MTR: variants seen among roughly 807,000 people sequenced by gnomAD.
The protein encoded by MTR is methionine synthase.
MTR carries 84 observed loss-of-function variants against 154.8 expected under a neutral mutation model. That is an observed-to-expected ratio of 0.54 (90% CI 0.45 to 0.65). The LOEUF (loss-of-function observed/expected upper bound fraction) is 0.65. Ranked by LOEUF, MTR falls within the 30% of genes least tolerant of loss-of-function variation. MTR has a pLI of 0.00. For synonymous variants in MTR, 554 were observed against 553.9 expected, an observed-to-expected ratio of 1.00 and a Z score of 0.00; for missense variants, 1,275 against 1,570.2, an observed-to-expected ratio of 0.81 and a Z score of 3.18.
At chr1:236,865,801 T>C (rs1025266537) in intron 22 of MTR, among the ~76,000 whole-genome samples, 1 of 152,154 alleles carries the variant, frequency 6.6e-6, no homozygotes, top group African/African-American at 2.4e-5. Context: ...CTTTGTCACC[T>C]TTTTGTTGTT....
chr1:236,830,605 C>A (rs1662555531), intron 12 of MTR, among the ~76,000 whole-genome samples: 1 of 152,194 alleles, frequency 6.6e-6, no homozygotes, highest in Non-Finnish European at 1.5e-5. Context: ...TCAAGTACTT[C>A]ACATTCATAA....
intron 10 of MTR, among the ~76,000 whole-genome samples, 169 bp from the exon 11 acceptor site, chr1:236,826,660 T>C (rs1662304115): frequency 6.6e-6 from 1 of 152,240 alleles, no homozygotes; most frequent in Non-Finnish European, 1.5e-5. Context: ...GCTTTTATCC[T>C]ATGTCTAGGG....
chr1:236,816,311 C>T (rs2103061332), intron 7 of MTR, 138 bp from the exon 8 acceptor site: 2 of 750,100 alleles, frequency 2.7e-6, no homozygotes, highest in Non-Finnish European at 4.8e-6. Context: ...TAGAAAGTGC[C>T]CCCTTTGAAT....
At chr1:236,848,447 C>T (rs1663713744) in intron 15 of MTR, among the ~76,000 whole-genome samples, 1 of 152,292 alleles carries the variant, frequency 6.6e-6, no homozygotes, top group South Asian at 2.1e-4. Context: ...AACCTAGAGC[C>T]TAGAACTCTA....
intron 8 of MTR, chr1:236,819,871 C>A: frequency 1.3e-6 from 1 of 796,162 alleles, no homozygotes; most frequent in East Asian, 2.4e-5. Flanking sequence ...GTCATATCCT[C>A]CAGGAATACT....
intron 16 of MTR, among the ~76,000 whole-genome samples, 198 bp downstream of exon 16, chr1:236,850,721 G>A (rs371955932): frequency 6.6e-6 from 1 of 152,106 alleles, no homozygotes; most frequent in East Asian, 1.9e-4. Context: ...ACAGACTGGA[G>A]AACATAACAG....
chr1:236,804,901 C>T (rs965286494), intron 2 of MTR, among the ~76,000 whole-genome samples: 2 of 151,426 alleles, frequency 1.3e-5, no homozygotes, highest in Non-Finnish European at 2.9e-5. Context: ...TCATGCTTTA[C>T]GTATCATTCT....
intron 8 of MTR, among the ~76,000 whole-genome samples, chr1:236,818,332 G>C (rs1029068133): frequency 7.6e-6 from 1 of 130,964 alleles, no homozygotes; most frequent in Admixed American, 8.0e-5. Flanking sequence ...CTTTCCTAGC[G>C]ATTAGGTAAA....
At chr1:236,826,508 C>G (rs1662294986) in intron 10 of MTR, among the ~76,000 whole-genome samples, 2 of 152,124 alleles carry the variant, frequency 1.3e-5, no homozygotes, top group African/African-American at 4.8e-5. Context: ...ATTGCCCAGG[C>G]TGGTCTCAAA....
At chr1:236,836,207 T>TA (rs200617215) in intron 14 of MTR, among the ~76,000 whole-genome samples, 11 of 150,194 alleles carry the variant, frequency 7.3e-5, no homozygotes, top group South Asian at 2.1e-4. Flanking sequence ...GTTCTAAAAT[T>TA]AAAAAAAAAA....
At chr1:236,807,589 G>A (rs1661058547) in intron 3 of MTR, among the ~76,000 whole-genome samples, 1 of 152,006 alleles carries the variant, frequency 6.6e-6, no homozygotes, top group Non-Finnish European at 1.5e-5. Flanking sequence ...GATACTATTG[G>A]CAGATTTGAT....
chr1:236,834,609 AT>A (rs530281128), intron 13 of MTR, among the ~76,000 whole-genome samples: 30 of 147,720 alleles, frequency 2.0e-4, no homozygotes, highest in African/African-American at 5.5e-4. Flanking sequence ...AAAAGTTTCT[AT>A]TTTTTTTTTC....
chr1:236,854,829 G>T (rs1355712135), intron 18 of MTR, among the ~76,000 whole-genome samples: 1 of 152,188 alleles, frequency 6.6e-6, no homozygotes, highest in East Asian at 1.9e-4. Flanking sequence ...TTTCATTTCT[G>T]TATGTCATGC....
chr1:236,878,944 G>A (rs1178242206), intron 24 of MTR, among the ~76,000 whole-genome samples: 1 of 152,232 alleles, frequency 6.6e-6, no homozygotes, highest in Non-Finnish European at 1.5e-5. Flanking sequence ...TTCCAGCTCA[G>A]TTCTCATAGC....
At chr1:236,815,464 G>A (rs922690788) in intron 6 of MTR, 140 bp from the exon 7 acceptor site, 8 of 824,762 alleles carry the variant, frequency 9.7e-6, no homozygotes, top group Non-Finnish European at 1.6e-5. Flanking sequence ...TGCCTTATAA[G>A]GAAGACACTT....
chr1:236,897,022 A>G lies in MTR; in HGVS notation c.3615A>G (p.Glu1205=). 6.2e-7 allele frequency: 1 copy of G among 1,613,900 alleles called. No individual in the cohort carries two copies. The highest frequency in any genetic ancestry group is 1.1e-5 in the South Asian group (1 of 91,078). ...IEQSTGIRLT[E]SLAMAPASAV... ...TCCCTCTAGGCATTAGGTTAACAGA[A>G]TCATTAGCAATGGCACCTGCTTCAG... The change falls in exon 32 of 33, where the codon GAA becomes GAG. Residue 1205 remains glutamate (E), a synonymous_variant. Transcript: ENST00000366577.
At chr1:236,892,893 G>A (rs1485651872) in intron 29 of MTR, among the ~76,000 whole-genome samples, 1 of 152,126 alleles carries the variant, frequency 6.6e-6, no homozygotes, top group Non-Finnish European at 1.5e-5. Context: ...GACATATTAG[G>A]GCATTTAATA....
intron 1 of MTR, among the ~76,000 whole-genome samples, chr1:236,799,748 G>A (rs1329950007): frequency 1.3e-5 from 2 of 149,804 alleles, no homozygotes; most frequent in African/African-American, 2.5e-5. Context: ...GGTGACTTTC[G>A]TTTAACAGAA....
At chr1:236,812,581 CCTTT>C (rs981596480) in intron 5 of MTR, among the ~76,000 whole-genome samples, 153 bp from the exon 6 acceptor site, 61 of 152,190 alleles carry the variant, frequency 4.0e-4, no homozygotes, top group African/African-American at 1.4e-3. Flanking sequence ...GTCCCTGCCA[CCTTT>C]CTTTATTTGG....
Sources: allele counts gnomAD v4.1 joint callset (sites outside exome capture counted in the v4.1 genomes callset), GRCh38; gene constraint gnomAD v4.1.1; transcripts MANE v1.5; gene names NCBI Gene and HGNC (gene_info 2026-07-23, HGNC 2026-07-21).